RTTN: variants seen among roughly 807,000 people sequenced by gnomAD.
RTTN encodes the protein rotatin.
Under a neutral mutation model 269.2 loss-of-function variants are expected in RTTN, and 182 were observed. The observed-to-expected ratio is 0.68, with a 90% CI of 0.60 to 0.76. The LOEUF (loss-of-function observed/expected upper bound fraction) is 0.76. Ranked by LOEUF, RTTN falls within the 30% of genes least tolerant of loss-of-function variation. RTTN has a pLI of 0.00. For missense variants in RTTN, 2,545 were observed against 2,608.6 expected (o/e 0.98, Z 0.53); for synonymous variants, 1,006 against 963.5 (o/e 1.04, Z -0.82).
chr18:70,143,820 A>C (rs1382228507), intron 18 of RTTN, among the ~76,000 whole-genome samples: 3 of 152,052 alleles, frequency 2.0e-5, no homozygotes, highest in Non-Finnish European at 4.4e-5. Context: ...GGAACTTAAG[A>C]TCTAAAATAA....
chr18:70,008,714 A>G (rs2056275509), intron 46 of RTTN: 1 of 152,024 alleles, frequency 6.6e-6, no homozygotes, highest in Non-Finnish European at 1.5e-5. Context: ...GAGAAAAAAA[A>G]AAAAGAAAAG....
Position 70,132,460 on chromosome 18 carries a change from C to G in RTTN, c.2954+2013G>C, listed in dbSNP as rs137898098. 3.0e-3 allele frequency among the ~76,000 whole-genome samples: 449 copies of G among 150,660 alleles called. 5 individuals carry two copies. Among genetic ancestry groups the G allele is most frequent in the African/African-American group, 0.011 (427 of 40,396 alleles). On this transcript the variant is annotated intron_variant, in intron 23 of 48. Transcript: ENST00000640769. ...AATCATAGAAAATATTTTCTAATGT[C>G]AATATTTAGCTAAATATTAATAATA...
intron 23 of RTTN, chr18:70,130,402 A>AT (rs891024658): frequency 6.6e-6 from 1 of 152,012 alleles, no homozygotes; most frequent in African/African-American, 2.4e-5. Flanking sequence ...AGATGAATGG[A>AT]TTTTTTAAAA....
At chr18:70,048,960 G>A (rs2057575015) in intron 39 of RTTN, among the ~76,000 whole-genome samples, 1 of 152,062 alleles carries the variant, frequency 6.6e-6, no homozygotes. Context: ...CATTTATGCA[G>A]TAAGTTACTT....
At chr18:70,084,884 A>C (rs1352693024) in intron 32 of RTTN, among the ~76,000 whole-genome samples, 1 of 152,242 alleles carries the variant, frequency 6.6e-6, no homozygotes, top group African/African-American at 2.4e-5. Flanking sequence ...TAACAAAACC[A>C]ATAAACTGCA....
intron 10 of RTTN, among the ~76,000 whole-genome samples, chr18:70,178,605 T>C (rs1020241216): frequency 2.0e-5 from 3 of 151,934 alleles, no homozygotes; most frequent in African/African-American, 7.2e-5. Flanking sequence ...AGTTTAAATT[T>C]TCCTATAAAT....
rs12964801 is a variant in RTTN at position 70,190,242 on chromosome 18, T to A, written c.1189+296A>T. Among the ~76,000 whole-genome samples the A allele has an allele frequency of 0.72, 109,231 of 150,852 alleles. 46,346 individuals carry two copies. Among genetic ancestry groups the A allele is most frequent in the East Asian group, 1 (5,148 of 5,166 alleles). On this transcript the variant is annotated intron_variant, in intron 9 of 48. Transcript: ENST00000640769. Reference sequence around the variant, plus strand: ...TCCAAAAAAAAAAGAAAAAAATAGATGACAGCAAGAATAAATGCAAAAAAT... The same window carrying A: ...TCCAAAAAAAAAAGAAAAAAATAGAAGACAGCAAGAATAAATGCAAAAAAT...
intron 33 of RTTN, among the ~76,000 whole-genome samples, 188 bp from the exon 34 acceptor site, chr18:70,074,182 A>G (rs1168254443): frequency 6.6e-6 from 1 of 151,740 alleles, no homozygotes; most frequent in Non-Finnish European, 1.5e-5. Context: ...TTTAATGTGC[A>G]TAAGAATCAC....
Position 70,006,252 on chromosome 18 carries a change from T to C in RTTN, c.6525+129A>G, listed in dbSNP as rs962833743. 11 of 631,480 alleles carry C rather than the reference T, an allele frequency of 1.7e-5. 1 individual carries two copies. In the Admixed American group the frequency reaches 2.0e-4, roughly 12 times the overall value. The allele number at this position is 631,480 out of a possible 1,614,324, so 39.1% of individuals were successfully genotyped here. On this transcript the variant is annotated intron_variant, in intron 47 of 48. Transcript: ENST00000640769. ...ATTGTATGAATCAGCAAAGGGAACATGGATCTTTGATTTTGTCTTTTTTCT... is the reference window on the plus strand; with the variant it reads ...ATTGTATGAATCAGCAAAGGGAACACGGATCTTTGATTTTGTCTTTTTTCT...
intron 12 of RTTN, 129 bp from the exon 13 acceptor site, chr18:70,167,160 C>A: frequency 1.6e-6 from 1 of 621,434 alleles, no homozygotes; most frequent in Non-Finnish European, 2.8e-6. Context: ...TTGTTTAAGT[C>A]CACTTTCTCA....
At chr18:70,127,036 T>A (rs1213653327) in intron 25 of RTTN, among the ~76,000 whole-genome samples, 2 of 152,180 alleles carry the variant, frequency 1.3e-5, no homozygotes, top group African/African-American at 4.8e-5. Context: ...CCTTCTCAAT[T>A]AACTGCTATA....
In RTTN at chr18:70,030,100, A is replaced by G. The variant is rs1400608389; in HGVS notation, c.5657T>C (p.Ile1886Thr). The change falls in exon 42 of 49, where the codon ATA becomes ACA. Residue 1886 changes from isoleucine to threonine, a missense_variant. Coordinates refer to ENST00000640769, the MANE Select transcript of RTTN (RefSeq NM_173630.4). ...AQKHALKANL[I>T]DNCMEQMKHI... ...TTTCATCTGCTCCATGCAATTGTCTATAAGATTGGCTGAAAGACAAAATCT... is the reference window on the plus strand; with the variant it reads ...TTTCATCTGCTCCATGCAATTGTCTGTAAGATTGGCTGAAAGACAAAATCT... The G allele has an allele frequency of 5.0e-6, 8 of 1,610,644 alleles. 1 individual carries two copies. Among genetic ancestry groups the G allele is most frequent in the South Asian group, 2.2e-5 (2 of 90,800 alleles).
At chr18:70,022,117 C>T (rs1210884462) in intron 44 of RTTN, among the ~76,000 whole-genome samples, 1 of 152,070 alleles carries the variant, frequency 6.6e-6, no homozygotes, top group African/African-American at 2.4e-5. Flanking sequence ...CTTAACACTG[C>T]CAGCAATCCT....
At chr18:70,052,457 G>A (rs1382306266) in intron 38 of RTTN, among the ~76,000 whole-genome samples, 1 of 151,906 alleles carries the variant, frequency 6.6e-6, no homozygotes, top group Non-Finnish European at 1.5e-5. Context: ...TGTACTATAT[G>A]TATATCTGTA....
At position 70,028,819 on chromosome 18, in the gene RTTN, A is replaced by G. The variant is rs748076498; in HGVS notation, c.5746-18T>C. On this transcript the variant is annotated intron_variant, in intron 42 of 48. Coordinates refer to ENST00000640769, the MANE Select transcript of RTTN (RefSeq NM_173630.4). ...CCATCCTCCTATTTAAACAAAAAGC[A>G]GTTGAAAACTGTGAATGCAACAGCA... 6.4e-7 allele frequency: 1 copy of G among 1,570,988 alleles called. No individual in the cohort carries two copies. The highest frequency in any genetic ancestry group is 8.8e-7 in the Non-Finnish European group (1 of 1,142,802).
intron 32 of RTTN, among the ~76,000 whole-genome samples, chr18:70,085,589 T>C (rs1006431251): frequency 2.6e-5 from 4 of 152,126 alleles, no homozygotes; most frequent in African/African-American, 9.7e-5. Context: ...GGTGAAAATA[T>C]ATGGATAGGT....
intron 35 of RTTN, among the ~76,000 whole-genome samples, chr18:70,065,463 T>C (rs1302527819): frequency 6.6e-6 from 1 of 152,084 alleles, no homozygotes; most frequent in Non-Finnish European, 1.5e-5. Flanking sequence ...CCTTAGAAAA[T>C]ACTTAAAACC....
intron 34 of RTTN, among the ~76,000 whole-genome samples, chr18:70,066,546 C>T (rs553714275): frequency 1.3e-5 from 2 of 152,172 alleles, no homozygotes; most frequent in African/African-American, 4.8e-5. Flanking sequence ...GATGTGTTTG[C>T]GCTAAGAGGT....
intron 40 of RTTN, among the ~76,000 whole-genome samples, chr18:70,040,572 A>C (rs7234554): frequency 0.81 from 122,761 of 152,162 alleles, 53,957 homozygotes; most frequent in East Asian, 1. Context: ...ATCTTCCAGA[A>C]AGAAAATCAC....
Sources: allele counts gnomAD v4.1 joint callset (sites outside exome capture counted in the v4.1 genomes callset), GRCh38; gene constraint gnomAD v4.1.1; transcripts MANE v1.5; gene names NCBI Gene and HGNC (gene_info 2026-07-23, HGNC 2026-07-21).